The following NCMAP variants were observed in gnomAD, a reference collection of about 807,000 sequenced individuals.
The protein encoded by NCMAP is noncompact myelin-associated protein.
In NCMAP, 8 loss-of-function variants were observed where a neutral mutation model predicts 7.8. The ratio of observed to expected loss-of-function variants is 1.02; its 90% CI spans 0.60 to 1.84. The LOEUF is 1.84. Among genes scored for constraint, NCMAP ranks in the 40% most tolerant of loss-of-function variants. The pLI is 0.00. For synonymous variants in NCMAP, 41 were observed against 52.9 expected (o/e 0.78, Z 0.98); for missense variants, 112 against 131.4 (o/e 0.85, Z 0.72).
rs1652712266 is a variant in NCMAP, at chr1:24,605,940, C to T, written c.*193C>T. 1.7e-6 allele frequency: 1 copy of T among 590,818 alleles called. No homozygotes were observed. Among genetic ancestry groups the T allele is most frequent in the South Asian group, 2.7e-5 (1 of 37,582 alleles). The allele number at this position is 590,818 out of a possible 1,614,324, so 36.6% of individuals were successfully genotyped here. ...TGCCCTACCCCAACTGTGTCCACAT[C>T]CCTGCCGCCACCCCACCAAAAAGCT... On this transcript the variant is annotated 3_prime_UTR_variant, in exon 4 of 4. Coordinates refer to ENST00000374392, the MANE Select transcript of NCMAP (RefSeq NM_001010980.5).
chr1:24,599,296 A>C (rs1652376274), intron 2 of NCMAP, among the ~76,000 whole-genome samples: 1 of 151,710 alleles, frequency 6.6e-6, no homozygotes, highest in Admixed American at 6.6e-5. Context: ...AAAAAAAAAA[A>C]AACAAGAAAG....
At chr1:24,588,443 T>C (rs1423737950) in intron 1 of NCMAP, among the ~76,000 whole-genome samples, 2 of 152,066 alleles carry the variant, frequency 1.3e-5, no homozygotes, top group Non-Finnish European at 2.9e-5. Flanking sequence ...AGGTGGTCAA[T>C]TGAGGAGAGG....
At chr1:24,604,606 ATATATATATATATATATATATATAT>A (rs1245536981) in intron 3 of NCMAP, among the ~76,000 whole-genome samples, 5 of 6,800 alleles carry the variant, frequency 7.4e-4, no homozygotes, top group African/African-American at 2.8e-3. Context: ...AAAAAAAAAA[ATATATATATATATATATATATATAT>A]ATATATATAT....
At chr1:24,603,022 A>T (rs1000656122) in intron 3 of NCMAP, among the ~76,000 whole-genome samples, 1 of 152,136 alleles carries the variant, frequency 6.6e-6, no homozygotes, top group Non-Finnish European at 1.5e-5. Flanking sequence ...CCTGGATGAC[A>T]ATGTGAGACT....
At position 24,563,453 on chromosome 1, in the gene NCMAP, C is replaced by T. The variant is rs540652841; in HGVS notation, c.-8+7284C>T. On this transcript the variant is annotated intron_variant, in intron 1 of 3. Coordinates refer to ENST00000374392, the MANE Select transcript of NCMAP (RefSeq NM_001010980.5). Reference sequence around the variant, plus strand: ...AGGAGAATCACTTGAACCTGGGAGGCGGAGGTTGCGGTGAGCCGAGATCAC... The same window carrying T: ...AGGAGAATCACTTGAACCTGGGAGGTGGAGGTTGCGGTGAGCCGAGATCAC... Among the ~76,000 whole-genome samples the T allele has an allele frequency of 5.4e-5, 8 of 148,830 alleles. No homozygotes were observed. The East Asian group carries it at 6.0e-4, about 11-fold the overall frequency.
rs1261214704 is a variant in NCMAP at position 24,570,539 on chromosome 1, G to T, written c.-8+14370G>T. On this transcript the variant is annotated intron_variant, in intron 1 of 3. Transcript: ENST00000374392. The stretch of plus-strand genomic sequence containing the variant: ...AACAAAGTACTTAACAGGGGGCTTA[G>T]CGCTTAGAACTAAGTACATACAAGC... Among the ~76,000 whole-genome samples the T allele has an allele frequency of 1.3e-5, 2 of 150,906 alleles. 1 individual carries two copies. Among genetic ancestry groups the T allele is most frequent in the African/African-American group, 5.0e-5 (2 of 40,178 alleles).
At chr1:24,590,065 G>T (rs1652002347) in intron 1 of NCMAP, among the ~76,000 whole-genome samples, 1 of 152,180 alleles carries the variant, frequency 6.6e-6, no homozygotes, top group Non-Finnish European at 1.5e-5. Flanking sequence ...CTCCCAAAGT[G>T]CTGGGATTAC....
At chr1:24,600,036 A>G (rs1213853630) in intron 2 of NCMAP, among the ~76,000 whole-genome samples, 2 of 151,990 alleles carry the variant, frequency 1.3e-5, no homozygotes, top group Non-Finnish European at 2.9e-5. Flanking sequence ...GAGTCTTGCC[A>G]TCTTGCCCAG....
chr1:24,604,691 A>G (rs1203729660), intron 3 of NCMAP, among the ~76,000 whole-genome samples: 1 of 126,784 alleles, frequency 7.9e-6, no homozygotes, highest in African/African-American at 2.9e-5. Flanking sequence ...ATGAGAATTC[A>G]TAATTGTTGG....
At chr1:24,594,719 G>A (rs772968995) in intron 1 of NCMAP, among the ~76,000 whole-genome samples, 5 of 151,966 alleles carry the variant, frequency 3.3e-5, no homozygotes, top group Admixed American at 1.3e-4. Context: ...GTCACTGACT[G>A]CTTCATAATC....
chr1:24,575,618 C>A (rs888328190), intron 1 of NCMAP, among the ~76,000 whole-genome samples: 2 of 152,124 alleles, frequency 1.3e-5, no homozygotes, highest in Non-Finnish European at 2.9e-5. Flanking sequence ...TTAACCCAGT[C>A]CTCACAGATT....
chr1:24,571,735 G>A lies in NCMAP; in HGVS notation c.-8+15566G>A, dbSNP rs534459265. ...CGAGTAGCTGGGATTACAGGTGTGCGCCACCACGCCTGGCTAATTTTTGTG... is the reference window on the plus strand; with the variant it reads ...CGAGTAGCTGGGATTACAGGTGTGCACCACCACGCCTGGCTAATTTTTGTG... On this transcript the variant is annotated intron_variant, in intron 1 of 3. Coordinates refer to ENST00000374392, the MANE Select transcript of NCMAP (RefSeq NM_001010980.5). Among the ~76,000 whole-genome samples the A allele has an allele frequency of 1.0e-4, 15 of 149,744 alleles. 1 individual carries two copies. The South Asian group carries it at 1.5e-3, about 15-fold the overall frequency.
chr1:24,558,764 C>T (rs1490862935), intron 1 of NCMAP, among the ~76,000 whole-genome samples: 2 of 152,126 alleles, frequency 1.3e-5, no homozygotes, highest in African/African-American at 2.4e-5. Context: ...TTCAGGGTCA[C>T]GTAGAGTTGG....
At chr1:24,603,368 T>C (rs1652574974) in intron 3 of NCMAP, among the ~76,000 whole-genome samples, 1 of 150,190 alleles carries the variant, frequency 6.7e-6, no homozygotes, top group Non-Finnish European at 1.5e-5. Flanking sequence ...TAAAAAATTA[T>C]TTAAAAAAAA....
At chr1:24,565,009 T>C (rs1159180393) in intron 1 of NCMAP, among the ~76,000 whole-genome samples, 5 of 152,138 alleles carry the variant, frequency 3.3e-5, no homozygotes, top group Non-Finnish European at 7.4e-5. Flanking sequence ...AAGACCCACA[T>C]TGAAAATACT....
chr1:24,574,317 C>T (rs1651482891), intron 1 of NCMAP, among the ~76,000 whole-genome samples: 1 of 150,950 alleles, frequency 6.6e-6, no homozygotes, highest in Non-Finnish European at 1.5e-5. Flanking sequence ...CGGGGTTTCA[C>T]CATGTTGGCC....
Position 24,597,617 on chromosome 1 carries a change from GAGAAAGAAAGAAAGAAAGAA to G in NCMAP, c.82+2143_82+2162del, listed in dbSNP as rs71032831. ...AAGAAGAAAGAAAGAAAGAAAGAAAGAGAAAGAAAGAAAGAAAGAAAGAAAGAAAGAAAGAAAGAAAGAAA... is the reference window on the plus strand; with the variant it reads ...AAGAAGAAAGAAAGAAAGAAAGAAAGAGAAAGAAAGAAAGAAAGAAAGAAA... On this transcript the variant is annotated intron_variant, in intron 2 of 3. Coordinates refer to ENST00000374392, the MANE Select transcript of NCMAP (RefSeq NM_001010980.5). Among the ~76,000 whole-genome samples the G allele has an allele frequency of 2.5e-3, 215 of 87,514 alleles. No homozygotes were observed. The South Asian group carries it at 0.032, about 13-fold the overall frequency. The allele number at this position is 87,514 out of a possible 152,430, so 57.4% of individuals were successfully genotyped here.
At chr1:24,599,828 C>T (rs1652409462) in intron 2 of NCMAP, among the ~76,000 whole-genome samples, 1 of 80,348 alleles carries the variant, frequency 1.2e-5, no homozygotes, top group Non-Finnish European at 3.0e-5. Context: ...CGCCCCCCCC[C>T]CCCCCCCCCC....
intron 1 of NCMAP, among the ~76,000 whole-genome samples, chr1:24,569,445 C>G (rs554003457): frequency 6.6e-6 from 1 of 150,580 alleles, no homozygotes; most frequent in Admixed American, 6.6e-5. Context: ...CCAGACTTCA[C>G]TCCCATTGTT....
Sources: allele counts gnomAD v4.1 joint callset (sites outside exome capture counted in the v4.1 genomes callset), GRCh38; gene constraint gnomAD v4.1.1; transcripts MANE v1.5; gene names NCBI Gene and HGNC (gene_info 2026-07-23, HGNC 2026-07-21).